The following TRDN variants were observed in gnomAD, a reference collection of about 807,000 sequenced individuals.
The protein encoded by TRDN is triadin, also known as triadin in skeletal muscle.
Under a neutral mutation model 149.7 loss-of-function variants are expected in TRDN, and 161 were observed. The observed-to-expected ratio is 1.08, with a 90% CI of 0.95 to 1.23. The LOEUF (loss-of-function observed/expected upper bound fraction) is 1.23, where lower values mean the gene tolerates loss of function less well. TRDN is among the 50% of genes most tolerant of loss of function. The probability of loss-of-function intolerance (pLI) is 0.00; values close to 1 mark genes in which losing one functional copy is unlikely to be tolerated. For missense variants in TRDN, 896 were observed against 823.5 expected, an observed-to-expected ratio of 1.09 and a Z score of -1.08; for synonymous variants, 294 against 250.5, an observed-to-expected ratio of 1.17 and a Z score of -1.64.
intron 10 of TRDN, among the ~76,000 whole-genome samples, chr6:123,446,506 A>T (rs1243375398): frequency 1.4e-5 from 2 of 147,270 alleles, no homozygotes; most frequent in Non-Finnish European, 3.0e-5. Context: ...AACGGCGTGA[A>T]CCCAGGAGGT....
At chr6:123,409,383 A>T (rs950708185) in intron 12 of TRDN, among the ~76,000 whole-genome samples, 3 of 152,214 alleles carry the variant, frequency 2.0e-5, no homozygotes, top group African/African-American at 7.2e-5. Context: ...TATTGCAGTC[A>T]GAAAGGTCAC....
At chr6:123,475,919 A>G (rs1777449421) in intron 9 of TRDN, among the ~76,000 whole-genome samples, 1 of 150,628 alleles carries the variant, frequency 6.6e-6, no homozygotes, top group African/African-American at 2.5e-5. Flanking sequence ...CAAAATAATA[A>G]GAGCTATCTA....
At chr6:123,547,466 AT>A (rs1781171987) in intron 3 of TRDN, 94 bp from the exon 4 acceptor site, 1 of 743,496 alleles carries the variant, frequency 1.3e-6, no homozygotes, top group East Asian at 3.4e-5. Flanking sequence ...ATTTAAAAAA[AT>A]CTATTAGTTT....
At chr6:123,401,479 T>C (rs1484747471) in intron 12 of TRDN, among the ~76,000 whole-genome samples, 1 of 152,226 alleles carries the variant, frequency 6.6e-6, no homozygotes, top group Non-Finnish European at 1.5e-5. Context: ...CTTACTCTTC[T>C]GTATTTATTG....
intron 10 of TRDN, among the ~76,000 whole-genome samples, chr6:123,453,750 A>G (rs897280594): frequency 3.9e-5 from 6 of 152,174 alleles, no homozygotes; most frequent in African/African-American, 1.4e-4. Context: ...CAATCCCACT[A>G]CTGAGTATCT....
intron 9 of TRDN, among the ~76,000 whole-genome samples, chr6:123,465,620 A>C (rs1036911857): frequency 6.6e-6 from 1 of 151,386 alleles, no homozygotes; most frequent in Non-Finnish European, 1.5e-5. Context: ...AGAGAGAGAA[A>C]GAAAGAAAAC....
intron 12 of TRDN, among the ~76,000 whole-genome samples, chr6:123,409,636 C>T (rs1773348524): frequency 6.6e-6 from 1 of 152,060 alleles, no homozygotes; most frequent in Non-Finnish European, 1.5e-5. Flanking sequence ...ACAAGCATGA[C>T]ATTCACTTCA....
intron 21 of TRDN, chr6:123,350,343 A>G (rs2114289549): frequency 1.1e-6 from 1 of 948,518 alleles, no homozygotes; most frequent in South Asian, 4.9e-5. Flanking sequence ...TTATACTCAG[A>G]TCACAAAGTG....
intron 19 of TRDN, among the ~76,000 whole-genome samples, chr6:123,370,990 AT>A (rs1268274051): frequency 2.0e-5 from 3 of 148,984 alleles, no homozygotes; most frequent in Non-Finnish European, 4.5e-5. Flanking sequence ...TATTACAAGT[AT>A]TTTTACAAGT....
intron 9 of TRDN, among the ~76,000 whole-genome samples, chr6:123,477,573 G>T (rs2114758948): frequency 6.7e-6 from 1 of 150,196 alleles, no homozygotes; most frequent in South Asian, 2.1e-4. Context: ...TATACCCAAA[G>T]GACTATAAAT....
At chr6:123,494,856 C>T (rs967648527) in intron 9 of TRDN, among the ~76,000 whole-genome samples, 1 of 151,982 alleles carries the variant, frequency 6.6e-6, no homozygotes, top group Non-Finnish European at 1.5e-5. Context: ...GCCTCAGCCT[C>T]CCAAGTGGCT....
intron 5 of TRDN, among the ~76,000 whole-genome samples, chr6:123,529,882 C>T (rs1435813145): frequency 6.6e-6 from 1 of 151,950 alleles, no homozygotes; most frequent in Non-Finnish European, 1.5e-5. Context: ...TTATGACTAT[C>T]TCTGTCACCC....
chr6:123,249,990 A>C (rs1286228949), intron 38 of TRDN, among the ~76,000 whole-genome samples: 1 of 152,180 alleles, frequency 6.6e-6, no homozygotes, highest in Non-Finnish European at 1.5e-5. Flanking sequence ...TTGATAAATA[A>C]ATTTAGTAAA....
rs370353433 is a variant in TRDN at position 123,561,962 on chromosome 6, A to G, written c.232+8961T>C. Among the ~76,000 whole-genome samples, 75 of 152,270 alleles carry G rather than the reference A, an allele frequency of 4.9e-4. No individual in the cohort carries two copies. The East Asian group carries it at 9.5e-3, about 19-fold the overall frequency. On this transcript the variant is annotated intron_variant, in intron 2 of 40. Transcript: ENST00000334268. ...ATGTCAGACCTCTGAGCCCAAGCTA[A>G]GCCATCATATCCCCTGTGACCTGCA...
chr6:123,349,364 G>A (rs907406557), intron 21 of TRDN: 6 of 204,518 alleles, frequency 2.9e-5, no homozygotes, highest in African/African-American at 4.7e-5. Context: ...CGAAGCCCAT[G>A]CTATGCCCCT....
intron 1 of TRDN, among the ~76,000 whole-genome samples, chr6:123,618,923 T>C (rs1319089108): frequency 6.6e-6 from 1 of 152,170 alleles, no homozygotes; most frequent in East Asian, 1.9e-4. Context: ...CATTTTATTA[T>C]AATAATCAAC....
chr6:123,616,278 C>A (rs780476672), intron 1 of TRDN, among the ~76,000 whole-genome samples: 15 of 151,886 alleles, frequency 9.9e-5, no homozygotes, highest in Non-Finnish European at 2.2e-4. Context: ...ATGCAGTGAG[C>A]TATGATCATG....
At chr6:123,352,424 A>T (rs1320026298) in intron 21 of TRDN, 115 bp downstream of exon 21, 1 of 1,463,890 alleles carries the variant, frequency 6.8e-7, no homozygotes, top group Non-Finnish European at 9.0e-7. Context: ...GGACAGTGAT[A>T]AAGAGTAATA....
At chr6:123,474,912 A>T (rs1777385753) in intron 9 of TRDN, among the ~76,000 whole-genome samples, 1 of 152,202 alleles carries the variant, frequency 6.6e-6, no homozygotes, top group Admixed American at 6.5e-5. Context: ...AATCTCTGGG[A>T]CGCATTCAAA....
Sources: allele counts gnomAD v4.1 joint callset (sites outside exome capture counted in the v4.1 genomes callset), GRCh38; gene constraint gnomAD v4.1.1; transcripts MANE v1.5; gene names NCBI Gene and HGNC (gene_info 2026-07-23, HGNC 2026-07-21).